ZBTB8OS: variants seen among roughly 807,000 people sequenced by gnomAD.
ZBTB8OS encodes the protein tRNA splicing ligase complex subunit 1.
In ZBTB8OS, 16 loss-of-function variants were observed where a neutral mutation model predicts 29.3. That is an observed-to-expected ratio of 0.55 (90% CI 0.37 to 0.83). The LOEUF (loss-of-function observed/expected upper bound fraction) is 0.83, where lower values mean the gene tolerates loss of function less well. Ranked by LOEUF, ZBTB8OS falls within the 40% of genes least tolerant of loss-of-function variation. The pLI, the probability that ZBTB8OS is intolerant of heterozygous loss-of-function variation, is 0.00. For synonymous variants in ZBTB8OS, 70 were observed against 64.6 expected, an observed-to-expected ratio of 1.08 and a Z score of -0.40; for missense variants, 160 against 196.9, an observed-to-expected ratio of 0.81 and a Z score of 1.12.
rs1296545988 is a variant in ZBTB8OS at position 32,633,650 on chromosome 1, G to A, written c.322C>T (p.Pro108Ser). 1.2e-6 allele frequency: 2 copies of A among 1,600,028 alleles called. No individual in the cohort carries two copies. The highest frequency in any genetic ancestry group is 1.7e-6 in the Non-Finnish European group (2 of 1,176,134). ...YKFSADEFFI[P>S]REVKVLSIDQ... ...AAAGAAAAACCTTTGCTTACCCGGG[G>A]TATGAAGAATTCATCAGCACTGAAC... The change falls in exon 4 of 7, where the codon CCC becomes TCC. Residue 108 changes from proline (P) to serine (S), a missense_variant. Coordinates refer to ENST00000468695, the MANE Select transcript of ZBTB8OS (RefSeq NM_178547.5).
At chr1:32,647,041 C>CGAA (rs1646894922) in intron 1 of ZBTB8OS, among the ~76,000 whole-genome samples, 2 of 39,386 alleles carry the variant, frequency 5.1e-5, no homozygotes, top group Non-Finnish European at 8.7e-5. Context: ...GATACTGTCT[C>CGAA]AAAAAAAAAA....
At chr1:32,648,194 A>T (rs1647000594) in intron 1 of ZBTB8OS, among the ~76,000 whole-genome samples, 1 of 152,260 alleles carries the variant, frequency 6.6e-6, no homozygotes, top group South Asian at 2.1e-4. Flanking sequence ...TAGAAAAGAT[A>T]AAAAAGTATG....
chr1:32,646,370 C>T lies in ZBTB8OS; in HGVS notation c.97+4063G>A, dbSNP rs1396033696. Reference sequence around the variant, plus strand: ...TCTTGGTATCTAATTCCAGGTTATTCAATTAAAGTTTTTTATTTTATTATT... The same window carrying T: ...TCTTGGTATCTAATTCCAGGTTATTTAATTAAAGTTTTTTATTTTATTATT... On this transcript the variant is annotated intron_variant, in intron 1 of 6. Transcript: ENST00000468695. Among the ~76,000 whole-genome samples, 5 of 151,250 alleles carry T rather than the reference C, an allele frequency of 3.3e-5. No individual in the cohort carries two copies. In the South Asian group the frequency reaches 1.0e-3, roughly 32 times the overall value.
intron 6 of ZBTB8OS, among the ~76,000 whole-genome samples, chr1:32,624,964 T>C (rs704881): frequency 0.17 from 25,282 of 147,874 alleles, 4,394 homozygotes; most frequent in African/African-American, 0.45. Context: ...TGGCTCACGC[T>C]TATAATCCCA....
At chr1:32,631,992 CTTTTTTTTTTTTT>C (rs71006345) in intron 4 of ZBTB8OS, 113 bp from the exon 5 acceptor site, 11 of 135,728 alleles carry the variant, frequency 8.1e-5, no homozygotes, top group Admixed American at 2.4e-4. Flanking sequence ...TTGGTAAAAC[CTTTTTTTTTTTTT>C]TTTTTTTTTT....
In ZBTB8OS at chr1:32,627,511, A is replaced by G; in HGVS notation, c.414T>C (p.Pro138=). ...ATGGCTGGATTTTAAAACATACCTG[A>G]GGGTGCTTGGACAATGAAAATTCTT... is the stretch of plus-strand genomic sequence containing the variant. ...WGEEFSLSKH[P]QGTEVKAITY... The change falls in exon 6 of 7, where the codon CCT becomes CCC. Residue 138 remains proline, a synonymous_variant. Coordinates refer to ENST00000468695, the MANE Select transcript of ZBTB8OS (RefSeq NM_178547.5). 6.2e-7 allele frequency: 1 copy of G among 1,613,756 alleles called. No homozygotes were observed. The highest frequency in any genetic ancestry group is 1.3e-5 in the African/African-American group (1 of 75,056).
In ZBTB8OS at chr1:32,634,731, A is replaced by C; in HGVS notation, c.122+37T>G. The C allele has an allele frequency of 3.1e-6, 5 of 1,613,648 alleles. No individual in the cohort carries two copies. The South Asian group carries it at 5.5e-5, about 18-fold the overall frequency. On this transcript the variant is annotated intron_variant, in intron 2 of 6. Coordinates refer to ENST00000468695, the MANE Select transcript of ZBTB8OS (RefSeq NM_178547.5). ...ATTGAAACATTCAGTCTTCCTACTG[A>C]CGTGGTTTCAAAGGAATGAACTCCC...
chr1:32,641,010 C>CAAA (rs530189429), intron 1 of ZBTB8OS, among the ~76,000 whole-genome samples: 3 of 104,786 alleles, frequency 2.9e-5, no homozygotes, highest in African/African-American at 3.9e-5. Flanking sequence ...ACTAAAAATA[C>CAAA]AAAAAAAAAA....
In ZBTB8OS at chr1:32,640,716, C is replaced by G. The variant is rs573852264; in HGVS notation, c.98-5924G>C. On this transcript the variant is annotated intron_variant, in intron 1 of 6. Transcript: ENST00000468695. ...AAGAGACAGGGTTTTGCCACGTTGC[C>G]CAGGCTGGTCTCGAACTTATGGGCT... Among the ~76,000 whole-genome samples the G allele has an allele frequency of 9.2e-5, 14 of 151,430 alleles. No homozygotes were observed. In the East Asian group the frequency reaches 2.8e-3, roughly 30 times the overall value.
chr1:32,649,789 C>G (rs1404360346), intron 1 of ZBTB8OS, among the ~76,000 whole-genome samples: 1 of 151,940 alleles, frequency 6.6e-6, no homozygotes, highest in Non-Finnish European at 1.5e-5. Flanking sequence ...CTCAGTCTCC[C>G]GAGTAGCTGG....
intron 1 of ZBTB8OS, among the ~76,000 whole-genome samples, chr1:32,645,418 C>T (rs1001487736): frequency 1.3e-5 from 2 of 151,952 alleles, no homozygotes; most frequent in Non-Finnish European, 2.9e-5. Flanking sequence ...GGGAGAACAG[C>T]TTGAGCCTAG....
intron 6 of ZBTB8OS, among the ~76,000 whole-genome samples, chr1:32,623,072 GC>G (rs1247353310): frequency 6.6e-6 from 1 of 152,156 alleles, no homozygotes; most frequent in African/African-American, 2.4e-5. Context: ...GTTCTTTCCA[GC>G]TCCAAAAGGA....
At chr1:32,623,119 G>A (rs981211352) in intron 6 of ZBTB8OS, among the ~76,000 whole-genome samples, 2 of 151,640 alleles carry the variant, frequency 1.3e-5, no homozygotes, top group African/African-American at 4.9e-5. Context: ...AAATGTACCA[G>A]GCAATAGGTA....
chr1:32,634,091 G>A lies in ZBTB8OS; in HGVS notation c.123-19C>T. On this transcript the variant is annotated intron_variant, in intron 2 of 6. Coordinates refer to ENST00000468695, the MANE Select transcript of ZBTB8OS (RefSeq NM_178547.5). Reference sequence around the variant, plus strand: ...GTGTAACCTAAAGAAGTATATTCATGCTCTGTGTAATACAATCCACTGCAA... The same window carrying A: ...GTGTAACCTAAAGAAGTATATTCATACTCTGTGTAATACAATCCACTGCAA... The A allele has an allele frequency of 2.0e-6, 3 of 1,527,060 alleles. No homozygotes were observed. Among genetic ancestry groups the A allele is most frequent in the Non-Finnish European group, 1.7e-6 (2 of 1,145,814 alleles). 94.6% of individuals were successfully genotyped at this position (1,527,060 alleles called of 1,614,324 possible).
intron 1 of ZBTB8OS, 126 bp downstream of exon 1, chr1:32,650,307 G>C (rs1647265538): frequency 7.7e-7 from 1 of 1,292,156 alleles, no homozygotes; most frequent in East Asian, 2.4e-5. Flanking sequence ...TACAACAGCC[G>C]GCACAAATGG....
intron 6 of ZBTB8OS, among the ~76,000 whole-genome samples, chr1:32,626,890 C>A (rs1373663013): frequency 6.6e-6 from 1 of 152,122 alleles, no homozygotes; most frequent in Non-Finnish European, 1.5e-5. Context: ...AAAATCAAAA[C>A]AATGACATTT....
chr1:32,642,108 G>A (rs1054853984), intron 1 of ZBTB8OS, among the ~76,000 whole-genome samples: 1 of 151,884 alleles, frequency 6.6e-6, no homozygotes, highest in Non-Finnish European at 1.5e-5. Flanking sequence ...CCTATACATC[G>A]TGACTTACTT....
In ZBTB8OS at chr1:32,624,033, A is replaced by G. The variant is rs1261294410; in HGVS notation, c.418-2085T>C. Among the ~76,000 whole-genome samples, 15 of 152,088 alleles carry G rather than the reference A, an allele frequency of 9.9e-5. 1 individual carries two copies. Among genetic ancestry groups the G allele is most frequent in the Non-Finnish European group, 4.4e-5 (3 of 68,022 alleles). Reference sequence around the variant, plus strand: ...TTCTAAGGGGCTTCCCCCTTCGCTCAGCACTCACTTCTCTTCCTGCCACAA... The same window carrying G: ...TTCTAAGGGGCTTCCCCCTTCGCTCGGCACTCACTTCTCTTCCTGCCACAA... On this transcript the variant is annotated intron_variant, in intron 6 of 6. Coordinates refer to ENST00000468695, the MANE Select transcript of ZBTB8OS (RefSeq NM_178547.5).
intron 1 of ZBTB8OS, among the ~76,000 whole-genome samples, chr1:32,649,993 A>G (rs1019637199): frequency 9.2e-5 from 14 of 152,122 alleles, no homozygotes; most frequent in African/African-American, 3.1e-4. Context: ...AATCACAATC[A>G]TAAATGGCAA....
Sources: allele counts gnomAD v4.1 joint callset (sites outside exome capture counted in the v4.1 genomes callset), GRCh38; gene constraint gnomAD v4.1.1; transcripts MANE v1.5; gene names NCBI Gene and HGNC (gene_info 2026-07-23, HGNC 2026-07-21).